Variants in APP observed in about 807,000 individuals in gnomAD.
APP encodes amyloid-beta precursor protein.
APP carries 31 observed loss-of-function variants against 101.4 expected under a neutral mutation model. That is an observed-to-expected ratio of 0.31 (90% CI 0.23 to 0.41). The LOEUF (loss-of-function observed/expected upper bound fraction) is 0.41. Ranked by LOEUF, APP falls within the 10% of genes least tolerant of loss-of-function variation. The pLI is 1.00. For synonymous variants in APP, 366 were observed against 364.4 expected, an observed-to-expected ratio of 1.00 and a Z score of -0.05; for missense variants, 839 against 1,003.7, an observed-to-expected ratio of 0.84 and a Z score of 2.22.
intron 15 of APP, among the ~76,000 whole-genome samples, chr21:25,901,386 C>A (rs1056734939): frequency 2.2e-4 from 23 of 106,176 alleles, no homozygotes; most frequent in African/African-American, 6.6e-4. Context: ...ACTGTGAATA[C>A]TTTTGGTGGT....
intron 8 of APP, among the ~76,000 whole-genome samples, chr21:25,990,445 GCA>G (rs1491581703): frequency 8.5e-6 from 1 of 118,112 alleles, no homozygotes; most frequent in Admixed American, 8.5e-5. Context: ...TGAAGCAATA[GCA>G]ATAACTGGCG....
At chr21:26,026,695 C>T (rs938475879) in intron 5 of APP, among the ~76,000 whole-genome samples, 4 of 152,146 alleles carry the variant, frequency 2.6e-5, no homozygotes, top group African/African-American at 4.8e-5. Context: ...AGGTTAAAGG[C>T]AAGAGAGGGT....
intron 1 of APP, among the ~76,000 whole-genome samples, chr21:26,136,586 T>C (rs1008321383): frequency 1.3e-5 from 2 of 152,212 alleles, no homozygotes; most frequent in Non-Finnish European, 2.9e-5. Flanking sequence ...TCTAAAAATA[T>C]GGATTTTTAA....
chr21:26,140,085 T>C, intron 1 of APP: 1 of 1,170,136 alleles, frequency 8.5e-7, no homozygotes, highest in Non-Finnish European at 1.2e-6. Flanking sequence ...TATTACTGTC[T>C]GAGAACAGAG....
intron 13 of APP, among the ~76,000 whole-genome samples, chr21:25,920,938 C>A (rs887860124): frequency 3.5e-5 from 5 of 142,482 alleles, no homozygotes; most frequent in Non-Finnish European, 7.6e-5. Flanking sequence ...TTTTTCAGCA[C>A]CACACCACAC....
intron 16 of APP, 60 bp from the exon 17 acceptor site, chr21:25,891,928 A>G (rs2037724434): frequency 1.3e-6 from 2 of 1,507,884 alleles, no homozygotes; most frequent in Non-Finnish European, 1.8e-6. Flanking sequence ...TTTACAATTT[A>G]TAAACGCAAT....
chr21:26,058,850 G>A (rs1432489805), intron 3 of APP, among the ~76,000 whole-genome samples: 1 of 152,192 alleles, frequency 6.6e-6, no homozygotes, highest in African/African-American at 2.4e-5. Flanking sequence ...GGGAGGCCGA[G>A]GCGGGCGGAT....
In APP at chr21:26,089,502, CTTT is replaced by C. The variant is rs34481840; in HGVS notation, c.355+438_355+440del. Reference sequence around the variant, plus strand: ...AGAGGAGTAGTTATTGTAGAACAGCCTTTTTTTTTTTTTTTTTTTTTTTTTTAG... The same window carrying C: ...AGAGGAGTAGTTATTGTAGAACAGCCTTTTTTTTTTTTTTTTTTTTTTTAG... On this transcript the variant is annotated intron_variant, in intron 3 of 17. Transcript: ENST00000346798. 8.8e-3 allele frequency: 657 copies of C among 74,814 alleles called. 7 individuals carry two copies. Among genetic ancestry groups the C allele is most frequent in the African/African-American group, 0.027 (581 of 21,640 alleles). 4.6% of individuals were successfully genotyped at this position (74,814 alleles called of 1,614,324 possible).
intron 10 of APP, among the ~76,000 whole-genome samples, 188 bp from the exon 11 acceptor site, chr21:25,975,416 C>T (rs1010310142): frequency 2.0e-5 from 3 of 152,136 alleles, no homozygotes; most frequent in South Asian, 4.1e-4. Flanking sequence ...TTGCACTCTC[C>T]AACCCTCATC....
chr21:26,027,076 A>AG (rs1300708023), intron 5 of APP, among the ~76,000 whole-genome samples: 2 of 152,202 alleles, frequency 1.3e-5, no homozygotes, highest in Admixed American at 1.3e-4. Flanking sequence ...TTCTTGCTAC[A>AG]GATAAACAGG....
At chr21:25,910,123 CTTTAT>C (rs1365172311) in intron 14 of APP, among the ~76,000 whole-genome samples, 3 of 151,612 alleles carry the variant, frequency 2.0e-5, no homozygotes, top group African/African-American at 4.8e-5. Flanking sequence ...ATATTTTTTA[CTTTAT>C]TTATTTATTT....
intron 3 of APP, chr21:26,068,316 C>T (rs2046538801): frequency 6.6e-6 from 1 of 152,106 alleles, no homozygotes; most frequent in Non-Finnish European, 1.5e-5. Flanking sequence ...CAAATGCCAT[C>T]AGTCTCTTCT....
chr21:26,120,800 T>C (rs1601513711), intron 1 of APP, among the ~76,000 whole-genome samples: 1 of 152,372 alleles, frequency 6.6e-6, no homozygotes, highest in South Asian at 2.1e-4. Context: ...TGCTATTAAA[T>C]AGACCCCGTT....
At chr21:25,996,383 G>A (rs9983719) in intron 8 of APP, among the ~76,000 whole-genome samples, 32,081 of 146,502 alleles carry the variant, frequency 0.22, 3,485 homozygotes, top group South Asian at 0.34. Context: ...TGAAATCTGC[G>A]TGTACGAATT....
chr21:26,119,565 A>G (rs1349708021), intron 1 of APP, among the ~76,000 whole-genome samples: 3 of 152,188 alleles, frequency 2.0e-5, no homozygotes, highest in Non-Finnish European at 2.9e-5. Context: ...CCCTTACTTT[A>G]TTTAATGTGT....
At chr21:26,007,462 T>C (rs1049454885) in intron 6 of APP, among the ~76,000 whole-genome samples, 31 of 147,660 alleles carry the variant, frequency 2.1e-4, no homozygotes, top group African/African-American at 7.1e-4. Flanking sequence ...ATATACTATA[T>C]ATTACAATAT....
intron 13 of APP, among the ~76,000 whole-genome samples, chr21:25,940,421 T>C (rs2040528361): frequency 6.6e-6 from 1 of 152,192 alleles, no homozygotes; most frequent in Non-Finnish European, 1.5e-5. Flanking sequence ...TACTTAGCAA[T>C]AGTTTATGAA....
At chr21:25,901,989 T>G (rs1455310360) in intron 15 of APP, among the ~76,000 whole-genome samples, 1 of 152,160 alleles carries the variant, frequency 6.6e-6, no homozygotes, top group Non-Finnish European at 1.5e-5. Flanking sequence ...AGAGTCTATT[T>G]TTTCTTTGGA....
chr21:26,052,790 A>C (rs965920463), intron 4 of APP, among the ~76,000 whole-genome samples: 1 of 152,262 alleles, frequency 6.6e-6, no homozygotes, highest in Non-Finnish European at 1.5e-5. Flanking sequence ...AATTATTAAA[A>C]AATTGTATAT....
Sources: allele counts gnomAD v4.1 joint callset (sites outside exome capture counted in the v4.1 genomes callset), GRCh38; gene constraint gnomAD v4.1.1; transcripts MANE v1.5; gene names NCBI Gene and HGNC (gene_info 2026-07-23, HGNC 2026-07-21).